Variants in UBA6 observed in about 807,000 individuals in gnomAD.
The protein encoded by UBA6 is ubiquitin-like modifier-activating enzyme 6.
A neutral mutation model predicts 148.3 loss-of-function variants in UBA6; 87 were observed. That is an observed-to-expected ratio of 0.59 (90% confidence interval 0.49 to 0.70). UBA6 has a LOEUF of 0.70. UBA6 is among the 30% of genes least tolerant of loss of function. UBA6 has a pLI of 0.00. For synonymous variants in UBA6, 376 were observed against 401.0 expected (o/e 0.94, Z 0.75); for missense variants, 1,186 against 1,241.2 (o/e 0.96, Z 0.67).
Position 67,631,776 on chromosome 4 carries a change from CA to C in UBA6, c.2195-6del. The C allele has an allele frequency of 1.2e-6, 2 of 1,610,912 alleles. No homozygotes were observed. Among genetic ancestry groups the C allele is most frequent in the Admixed American group, 1.7e-5 (1 of 59,716 alleles). ...TTGGTGACTGCCAAAATAAACCTGGCAAAAAGATACAAATATCATTTTCAAT... is the reference window on the plus strand; with the variant it reads ...TTGGTGACTGCCAAAATAAACCTGGCAAAAGATACAAATATCATTTTCAAT... On this transcript the variant is annotated splice_polypyrimidine_tract_variant and splice_region_variant and intron_variant, in intron 24 of 32. Coordinates refer to ENST00000322244, the MANE Select transcript of UBA6 (RefSeq NM_018227.6).
intron 13 of UBA6, among the ~76,000 whole-genome samples, chr4:67,651,204 T>C (rs1159723575): frequency 6.6e-6 from 1 of 152,074 alleles, no homozygotes; most frequent in African/African-American, 2.4e-5. Flanking sequence ...GTGAATTACA[T>C]ATTCTTAACA....
chr4:67,653,220 T>C (rs1290621115), intron 13 of UBA6, among the ~76,000 whole-genome samples: 1 of 152,138 alleles, frequency 6.6e-6, no homozygotes, highest in Non-Finnish European at 1.5e-5. Flanking sequence ...ACAGACTGCC[T>C]CCTCAATTGG....
rs1729882192 is a variant in UBA6 at position 67,662,379 on chromosome 4, C to T, written c.1038-124G>A. Reference sequence around the variant, plus strand: ...GTGGGATTTTTGCCAACAGGTAGCACAAAATGTTGTACTGATTTAAAGATG... The same window carrying T: ...GTGGGATTTTTGCCAACAGGTAGCATAAAATGTTGTACTGATTTAAAGATG... On this transcript the variant is annotated intron_variant, in intron 12 of 32. Transcript: ENST00000322244. 7.2e-6 allele frequency: 5 copies of T among 696,486 alleles called. No individual in the cohort carries two copies. In the Admixed American group the frequency reaches 1.4e-4, roughly 19 times the overall value. The allele number at this position is 696,486 out of a possible 1,614,324, so 43.1% of individuals were successfully genotyped here. A position where few individuals can be genotyped will look rare whatever the true frequency, so the allele number is the denominator to read the frequency against.
At chr4:67,642,356 C>T (rs376102601) in intron 17 of UBA6, among the ~76,000 whole-genome samples, 1 of 151,994 alleles carries the variant, frequency 6.6e-6, no homozygotes, top group African/African-American at 2.4e-5. Context: ...TCCTGAAAAC[C>T]GAGAATATCT....
chr4:67,686,010 A>C (rs1266349381), intron 2 of UBA6, among the ~76,000 whole-genome samples: 1 of 152,202 alleles, frequency 6.6e-6, no homozygotes, highest in Admixed American at 6.5e-5. Context: ...TGAAGTTCAT[A>C]ATGTTAACAG....
At chr4:67,675,199 T>A (rs1164312165) in intron 6 of UBA6, among the ~76,000 whole-genome samples, 1 of 152,250 alleles carries the variant, frequency 6.6e-6, no homozygotes, top group Admixed American at 6.5e-5. Context: ...TATCTTTCAA[T>A]TCACTAATGT....
chr4:67,664,065 T>C (rs879509377), intron 10 of UBA6, 118 bp from the exon 11 acceptor site: 51 of 696,170 alleles, frequency 7.3e-5, no homozygotes, highest in Non-Finnish European at 1.1e-4. Context: ...TGAAATAAAG[T>C]AGGGTTGGGC....
intron 14 of UBA6, among the ~76,000 whole-genome samples, chr4:67,647,413 T>C (rs1009885747): frequency 2.0e-5 from 3 of 152,162 alleles, no homozygotes; most frequent in African/African-American, 4.8e-5. Flanking sequence ...CCCAAAGTGC[T>C]GGTATTACAG....
rs1375214100 is a variant in UBA6, at chr4:67,614,622, A to C, written c.*4375T>G. On this transcript the variant is annotated 3_prime_UTR_variant, in exon 33 of 33. Coordinates refer to ENST00000322244, the MANE Select transcript of UBA6 (RefSeq NM_018227.6). ...GAAAGGCAAAACTAAAGCTTTAAGA[A>C]GACGATATATAAGACTATCTTCATG... 3.3e-5 allele frequency: 5 copies of C among 152,198 alleles called. No individual in the cohort carries two copies. Among genetic ancestry groups the C allele is most frequent in the South Asian group, 2.1e-4 (1 of 4,824 alleles). 9.4% of individuals were successfully genotyped at this position (152,198 alleles called of 1,614,324 possible).
intron 9 of UBA6, among the ~76,000 whole-genome samples, chr4:67,667,037 A>G (rs1730016865): frequency 6.6e-6 from 1 of 152,156 alleles, no homozygotes; most frequent in Non-Finnish European, 1.5e-5. Context: ...CTCTCCCTCC[A>G]AAGAATTTTT....
rs757599259 is a variant in UBA6, at chr4:67,634,254, T to C, written c.2001A>G (p.Glu667=). Residue 667 remains glutamate, a synonymous_variant, in exon 22 of 33, where the codon GAA becomes GAG. Transcript: ENST00000322244. ...NKFWQTYSSA[E]EVLQKIQSGH... ...TACTGATTTTTACCTGTAAGACTTC[T>C]TCTGCAGATGAATAGGTTTGCCAAA... is the stretch of plus-strand genomic sequence containing the variant. The C allele has an allele frequency of 1.3e-6, 2 of 1,591,228 alleles. No homozygotes were observed. The highest frequency in any genetic ancestry group is 4.5e-5 in the East Asian group (2 of 44,542).
chr4:67,653,327 A>G lies in UBA6; in HGVS notation c.1105-4116T>C, dbSNP rs150198093. On this transcript the variant is annotated intron_variant, in intron 13 of 32. Coordinates refer to ENST00000322244, the MANE Select transcript of UBA6 (RefSeq NM_018227.6). ...GGTGCCCCTCTGGGACGAAGCTTCCAGAGGAAGGATCAGGCAGCAATATTT... is the reference window on the plus strand; with the variant it reads ...GGTGCCCCTCTGGGACGAAGCTTCCGGAGGAAGGATCAGGCAGCAATATTT... Among the ~76,000 whole-genome samples the G allele has an allele frequency of 5.0e-3, 756 of 152,302 alleles. 9 individuals carry two copies. The highest frequency in any genetic ancestry group is 0.017 in the African/African-American group (710 of 41,566).
intron 2 of UBA6, among the ~76,000 whole-genome samples, chr4:67,695,848 A>G (rs1730819624): frequency 1.3e-5 from 2 of 152,182 alleles, no homozygotes; most frequent in Admixed American, 1.3e-4. Context: ...GCCAGATGGT[A>G]TGTATTAGCT....
intron 13 of UBA6, among the ~76,000 whole-genome samples, chr4:67,651,172 C>T (rs938856938): frequency 1.3e-5 from 2 of 152,032 alleles, no homozygotes; most frequent in Admixed American, 1.3e-4. Flanking sequence ...CCACAACTAA[C>T]CAAAAGTCAG....
intron 2 of UBA6, among the ~76,000 whole-genome samples, chr4:67,690,576 C>T (rs1296276691): frequency 1.3e-5 from 2 of 151,900 alleles, no homozygotes; most frequent in Admixed American, 1.3e-4. Context: ...CAAAGGAATG[C>T]CTATAACTCA....
chr4:67,636,583 G>C (rs1322152661), intron 19 of UBA6, among the ~76,000 whole-genome samples: 1 of 152,342 alleles, frequency 6.6e-6, no homozygotes, highest in East Asian at 1.9e-4. Context: ...TGGTGGAGAC[G>C]GGGTTTTGCA....
chr4:67,672,148 C>G (rs1260016084), intron 7 of UBA6, among the ~76,000 whole-genome samples: 1 of 152,148 alleles, frequency 6.6e-6, no homozygotes. Flanking sequence ...TCCAACAGTT[C>G]TATTTCTTTT....
intron 13 of UBA6, among the ~76,000 whole-genome samples, chr4:67,661,360 CAGTGAGTGAT>C (rs1729851440): frequency 6.6e-6 from 1 of 152,100 alleles, no homozygotes; most frequent in South Asian, 2.1e-4. Context: ...TGGAGGTAAT[CAGTGAGTGAT>C]AGTGAGTGAG....
At chr4:67,645,671 A>G (rs1343318290) in intron 16 of UBA6, among the ~76,000 whole-genome samples, 3 of 152,148 alleles carry the variant, frequency 2.0e-5, no homozygotes, top group Non-Finnish European at 4.4e-5. Context: ...AAAACCCACC[A>G]ATTTTCAAAC....
Sources: gnomAD v4.1 joint callset for allele counts (sites outside exome capture counted in the v4.1 genomes callset) on GRCh38, gnomAD v4.1.1 for gene constraint, MANE v1.5 for transcripts, NCBI Gene and HGNC (gene_info 2026-07-23, HGNC 2026-07-21) for gene names.